PREX2: variants seen among roughly 807,000 people sequenced by gnomAD.
PREX2 encodes phosphatidylinositol 3,4,5-trisphosphate-dependent Rac exchanger 2 protein.
In PREX2, 107 loss-of-function variants were observed where a neutral mutation model predicts 203.2. The ratio of observed to expected loss-of-function variants is 0.53; its 90% CI spans 0.45 to 0.62. PREX2 has a LOEUF of 0.62. Ranked by LOEUF, PREX2 falls within the 20% of genes least tolerant of loss-of-function variation. PREX2 has a pLI of 0.00. For synonymous variants in PREX2, 672 were observed against 663.6 expected, an observed-to-expected ratio of 1.01 and a Z score of -0.19; for missense variants, 1,777 against 1,955.9, an observed-to-expected ratio of 0.91 and a Z score of 1.72.
At chr8:68,218,730 A>G (rs1234366858) in intron 38 of PREX2, among the ~76,000 whole-genome samples, 3 of 152,248 alleles carry the variant, frequency 2.0e-5, no homozygotes, top group Non-Finnish European at 4.4e-5. Flanking sequence ...TGAAGAGGCC[A>G]ACATCAAGCT....
At chr8:68,172,145 G>T (rs1811888882) in intron 35 of PREX2, among the ~76,000 whole-genome samples, 1 of 152,142 alleles carries the variant, frequency 6.6e-6, no homozygotes, top group Non-Finnish European at 1.5e-5. Context: ...TGTCATAGTT[G>T]TATGTTTTGT....
intron 37 of PREX2, among the ~76,000 whole-genome samples, chr8:68,209,102 G>GA (rs1001769993): frequency 1.0e-4 from 15 of 145,962 alleles, no homozygotes; most frequent in African/African-American, 3.5e-4. Flanking sequence ...AAAGAAAAAA[G>GA]AAAAAAAGGA....
intron 31 of PREX2, among the ~76,000 whole-genome samples, chr8:68,131,967 T>C (rs568942786): frequency 6.6e-6 from 1 of 152,248 alleles, no homozygotes; most frequent in African/African-American, 2.4e-5. Flanking sequence ...ATAGAACATA[T>C]GAAAAACAAA....
chr8:68,022,505 G>A (rs181240518), intron 4 of PREX2, among the ~76,000 whole-genome samples: 3 of 152,170 alleles, frequency 2.0e-5, no homozygotes, highest in South Asian at 2.1e-4. Context: ...AGAAAATCGT[G>A]GATATGGTAG....
intron 4 of PREX2, among the ~76,000 whole-genome samples, chr8:68,022,416 A>T (rs1457351000): frequency 6.6e-6 from 1 of 152,100 alleles, no homozygotes; most frequent in African/African-American, 2.4e-5. Context: ...AGAGTTCATC[A>T]CTGCTTTATA....
chr8:68,188,420 C>T (rs1268131435), intron 35 of PREX2, among the ~76,000 whole-genome samples: 44 of 152,140 alleles, frequency 2.9e-4, no homozygotes, highest in Admixed American at 2.9e-3. Flanking sequence ...ACAAAATGGA[C>T]CATTAAAATG....
chr8:68,191,725 A>C lies in PREX2; in HGVS notation c.4350A>C (p.Ala1450=). The change falls in exon 36 of 40, where the codon GCA becomes GCC. Residue 1450 remains alanine, a synonymous_variant. Transcript: ENST00000288368. ...TTTATTTCTTGGATTCTTACAGGGC[A>C]TTCTACTTGGACAAGTCAAATTCAC... ...KVKQYNQKLR[A]FYLDKSNSPP... 1 of 1,606,238 alleles carries C rather than the reference A, an allele frequency of 6.2e-7. No individual in the cohort carries two copies. Among genetic ancestry groups the C allele is most frequent in the Non-Finnish European group, 8.5e-7 (1 of 1,173,010 alleles).
chr8:67,953,939 T>C (rs1434792261), intron 1 of PREX2, among the ~76,000 whole-genome samples: 1 of 152,242 alleles, frequency 6.6e-6, no homozygotes, highest in Non-Finnish European at 1.5e-5. Flanking sequence ...CAAAGTTCTT[T>C]GTCTTTTGAA....
chr8:67,993,419 T>TC (rs1806668436), intron 1 of PREX2, among the ~76,000 whole-genome samples: 3 of 151,384 alleles, frequency 2.0e-5, no homozygotes, highest in African/African-American at 7.3e-5. Context: ...TTTCTTTTTT[T>TC]TTTTTGAGAC....
At chr8:68,184,061 G>A (rs1428321675) in intron 35 of PREX2, among the ~76,000 whole-genome samples, 1 of 152,112 alleles carries the variant, frequency 6.6e-6, no homozygotes, top group Non-Finnish European at 1.5e-5. Context: ...TTCTCTTCAC[G>A]TAACTTTAAG....
intron 31 of PREX2, among the ~76,000 whole-genome samples, chr8:68,133,695 GT>G: frequency 6.6e-6 from 1 of 152,116 alleles, no homozygotes; most frequent in Admixed American, 6.5e-5. Flanking sequence ...TTTGAGTTTT[GT>G]TTAGGAAAAT....
chr8:68,006,458 T>C (rs567948962), intron 1 of PREX2, among the ~76,000 whole-genome samples: 3 of 152,292 alleles, frequency 2.0e-5, no homozygotes, highest in African/African-American at 7.2e-5. Flanking sequence ...TGCTAACCTT[T>C]CTTCACAACC....
At position 68,080,736 on chromosome 8, in the gene PREX2, T is replaced by G; in HGVS notation, c.1786-10T>G. ...TGCTTTATCAATAATGTTAATATTT[T>G]GCATTTCAGATTAAATCCAATGAAG... On this transcript the variant is annotated splice_polypyrimidine_tract_variant and intron_variant, in intron 16 of 39. Transcript: ENST00000288368. 1 of 1,530,452 alleles carries G rather than the reference T, an allele frequency of 6.5e-7. No individual in the cohort carries two copies. Among genetic ancestry groups the G allele is most frequent in the South Asian group, 1.2e-5 (1 of 84,102 alleles). 94.8% of individuals were successfully genotyped at this position (1,530,452 alleles called of 1,614,324 possible).
chr8:68,012,115 A>G (rs578088883), intron 1 of PREX2, among the ~76,000 whole-genome samples: 1 of 152,276 alleles, frequency 6.6e-6, no homozygotes, highest in East Asian at 1.9e-4. Context: ...TATGTAACAT[A>G]CCAATCGTAT....
intron 37 of PREX2, among the ~76,000 whole-genome samples, chr8:68,214,198 C>G (rs567064664): frequency 6.6e-6 from 1 of 152,148 alleles, no homozygotes; most frequent in Non-Finnish European, 1.5e-5. Flanking sequence ...ACAAGGAGTT[C>G]AAGACAACCT....
Position 68,235,899 on chromosome 8 carries a change from G to A in PREX2, c.*4521G>A, listed in dbSNP as rs1174945633. 6.6e-6 allele frequency: 1 copy of A among 152,082 alleles called. No individual in the cohort carries two copies. The highest frequency in any genetic ancestry group is 1.5e-5 in the Non-Finnish European group (1 of 68,028). 9.4% of individuals were successfully genotyped at this position (152,082 alleles called of 1,614,324 possible). ...TTGAGCAATTGTTATGTAGACACAAGGCCTGCTTCACTCAGGATAGCTTGC... is the reference window on the plus strand; with the variant it reads ...TTGAGCAATTGTTATGTAGACACAAAGCCTGCTTCACTCAGGATAGCTTGC... On this transcript the variant is annotated 3_prime_UTR_variant, in exon 40 of 40. Transcript: ENST00000288368.
At chr8:68,176,096 A>G (rs1811973681) in intron 35 of PREX2, among the ~76,000 whole-genome samples, 1 of 152,170 alleles carries the variant, frequency 6.6e-6, no homozygotes, top group East Asian at 1.9e-4. Context: ...TAATATTTGA[A>G]AAAAGTCTGG....
chr8:68,069,115 G>A lies in PREX2; in HGVS notation c.1422G>A (p.Glu474=), dbSNP rs760731482. Residue 474 remains glutamate, a synonymous_variant, in exon 12 of 40, where the codon GAG becomes GAA. Transcript: ENST00000288368. ...YDDGTFYPRN[E]MQDVISKGVR... is the part of the protein sequence containing the mutation. ...ATGGAACATTTTATCCAAGAAATGA[G>A]ATGCAGGACGTGATTTCAAAGGTAA... 6.4e-7 allele frequency: 1 copy of A among 1,564,930 alleles called. No individual in the cohort carries two copies. The highest frequency in any genetic ancestry group is 1.2e-5 in the South Asian group (1 of 84,936).
At chr8:68,175,899 G>T (rs1309866174) in intron 35 of PREX2, among the ~76,000 whole-genome samples, 1 of 151,812 alleles carries the variant, frequency 6.6e-6, no homozygotes, top group African/African-American at 2.4e-5. Context: ...ATAGAATAAA[G>T]CAGAGCTTAG....
Sources: gnomAD v4.1 joint callset for allele counts (sites outside exome capture counted in the v4.1 genomes callset) on GRCh38, gnomAD v4.1.1 for gene constraint, MANE v1.5 for transcripts, NCBI Gene and HGNC (gene_info 2026-07-23, HGNC 2026-07-21) for gene names.